DIP2A: variants seen among roughly 807,000 people sequenced by gnomAD.
The protein encoded by DIP2A is DIP2 acetate--CoA ligase A.
DIP2A carries 85 observed loss-of-function variants against 177.4 expected under a neutral mutation model. The observed-to-expected ratio is 0.48, with a 90% CI of 0.40 to 0.57. DIP2A has a LOEUF of 0.57. Among genes scored for constraint, DIP2A ranks in the 20% least tolerant of loss-of-function variants. The pLI, the probability that DIP2A is intolerant of heterozygous loss-of-function variation, is 0.00. For synonymous variants in DIP2A, 886 were observed against 881.8 expected, an observed-to-expected ratio of 1.00 and a Z score of -0.08; for missense variants, 1,791 against 2,100.2, an observed-to-expected ratio of 0.85 and a Z score of 2.88.
Position 46,528,527 on chromosome 21 carries a change from C to CTTTTTTTTTTTT in DIP2A, c.1103-535_1103-524dup, listed in dbSNP as rs1162872343. ...ACCAAATACTGACTTTTTCTGCTTG[C>CTTTTTTTTTTTT]TTTTTTTTTTTTTTTTTTTTTTTTT... On this transcript the variant is annotated intron_variant, in intron 8 of 37. Transcript: ENST00000417564. Among the ~76,000 whole-genome samples the CTTTTTTTTTTTT allele has an allele frequency of 2.4e-4, 7 of 29,408 alleles. 3 individuals are homozygous for CTTTTTTTTTTTT. Among genetic ancestry groups the CTTTTTTTTTTTT allele is most frequent in the African/African-American group, 7.8e-4 (5 of 6,446 alleles). The allele number at this position is 29,408 out of a possible 152,430, so 19.3% of individuals were successfully genotyped here.
chr21:46,472,518 C>T (rs148788383), intron 1 of DIP2A, among the ~76,000 whole-genome samples: 3 of 152,260 alleles, frequency 2.0e-5, no homozygotes, highest in African/African-American at 4.8e-5. Flanking sequence ...ATCAGCACTG[C>T]GCAAGCTGGG....
chr21:46,479,389 T>A (rs1338151582), intron 1 of DIP2A, among the ~76,000 whole-genome samples: 2 of 152,228 alleles, frequency 1.3e-5, no homozygotes, highest in African/African-American at 2.4e-5. Flanking sequence ...AATGAACATA[T>A]TTTTCATATT....
At chr21:46,580,921 T>G in the DIP2A span, among the ~76,000 whole-genome samples, 22 of 152,212 alleles carry the variant, frequency 1.4e-4, no homozygotes, top group Non-Finnish European at 2.9e-5. Flanking sequence ...ATTATGTGTC[T>G]TGGGGCTGAT....
intron 22 of DIP2A, chr21:46,550,115 C>T: frequency 8.6e-7 from 1 of 1,161,320 alleles, no homozygotes; most frequent in Non-Finnish European, 1.2e-6. Context: ...TATCCATCAC[C>T]TCAATATTTA....
rs2060460168 is a variant in DIP2A, at chr21:46,556,135, G to A, written c.3498+44G>A. 6.5e-7 allele frequency: 1 copy of A among 1,547,076 alleles called. No homozygotes were observed. Among genetic ancestry groups the A allele is most frequent in the African/African-American group, 1.4e-5 (1 of 73,504 alleles). On this transcript the variant is annotated intron_variant, in intron 29 of 37. Coordinates refer to ENST00000417564, the MANE Select transcript of DIP2A (RefSeq NM_015151.4). The surrounding 1 kb of genome is among the most constrained non-coding windows in gnomAD (Gnocchi z 4.5). ...TGTTTGCTTCAGCCCCTAGAAATCA[G>A]GAGGAGTGGACAGAAAGGATGTCAG...
chr21:46,532,311 C>A, intron 10 of DIP2A, 74 bp downstream of exon 10: 1 of 1,247,910 alleles, frequency 8.0e-7, no homozygotes, highest in East Asian at 2.5e-5. Flanking sequence ...ACTTCCTTTT[C>A]ACTCATGTGG....
At chr21:46,506,787 TTTTC>T (rs2058032756) in intron 6 of DIP2A, among the ~76,000 whole-genome samples, 1 of 145,256 alleles carries the variant, frequency 6.9e-6, no homozygotes, top group African/African-American at 2.5e-5. Context: ...CTTTTCTTTC[TTTTC>T]TTTCTTTCTT....
intron 33 of DIP2A, chr21:46,561,018 G>A (rs2148907203): frequency 2.0e-6 from 2 of 985,428 alleles, no homozygotes; most frequent in South Asian, 9.4e-5. Flanking sequence ...TCCCAGGGGA[G>A]CTCAGTGTCT....
downstream of DIP2A, among the ~76,000 whole-genome samples, chr21:46,571,320 G>C (rs1387311236): frequency 6.6e-6 from 1 of 152,182 alleles, no homozygotes; most frequent in Non-Finnish European, 1.5e-5. Flanking sequence ...GTGCCAAAAA[G>C]GTTGGGGACT....
At chr21:46,541,137 A>G (rs751595313) in intron 17 of DIP2A, among the ~76,000 whole-genome samples, 1 of 152,166 alleles carries the variant, frequency 6.6e-6, no homozygotes, top group Admixed American at 6.5e-5. Flanking sequence ...GTTTTGCACA[A>G]CTGTGTAATT....
intron 28 of DIP2A, chr21:46,555,653 C>T: frequency 3.0e-6 from 1 of 338,974 alleles, no homozygotes; most frequent in South Asian, 2.6e-5. Context: ...CTGGGCTTTG[C>T]CATAGGCTCT....
intron 1 of DIP2A, among the ~76,000 whole-genome samples, chr21:46,484,541 A>C (rs1002870698): frequency 6.6e-6 from 1 of 152,212 alleles, no homozygotes; most frequent in Non-Finnish European, 1.5e-5. Context: ...AGCAGCATGC[A>C]TGTGAGATCT....
In DIP2A at chr21:46,490,609, C is replaced by A; in HGVS notation, c.173C>A (p.Pro58Gln). Residue 58 changes from proline to glutamine, a missense_variant, in exon 3 of 38, where the codon CCA becomes CAA. Pro to Gln is a moderately conservative substitution (Grantham distance 76). Coordinates refer to ENST00000417564, the MANE Select transcript of DIP2A (RefSeq NM_015151.4). Reference protein sequence around the residue: ...RYIPLIQGIDPSLQAENRIPG... With the variant: ...RYIPLIQGIDQSLQAENRIPG... Reference sequence around the variant, plus strand: ...TAAAATTGTGTTTCAGGAATAGACCCATCTCTGCAAGCAGAGAATAGAATT... The same window carrying A: ...TAAAATTGTGTTTCAGGAATAGACCAATCTCTGCAAGCAGAGAATAGAATT... The A allele has an allele frequency of 6.4e-7, 1 of 1,566,390 alleles. No individual in the cohort carries two copies. Among genetic ancestry groups the A allele is most frequent in the East Asian group, 2.4e-5 (1 of 42,168 alleles).
chr21:46,538,465 G>T lies in DIP2A; in HGVS notation c.1802-18G>T, dbSNP rs1281318165. 6.5e-7 allele frequency: 1 copy of T among 1,541,326 alleles called. No homozygotes were observed. Among genetic ancestry groups the T allele is most frequent in the East Asian group, 2.4e-5 (1 of 40,884 alleles). ...GTCCTTGTGACGCAGGGATGTCTGT[G>T]CCATCCTCTCTCTGCAGCTCGGGCC... On this transcript the variant is annotated intron_variant, in intron 15 of 37. Coordinates refer to ENST00000417564, the MANE Select transcript of DIP2A (RefSeq NM_015151.4).
At chr21:46,472,053 A>G (rs1432151140) in intron 1 of DIP2A, among the ~76,000 whole-genome samples, 1 of 152,226 alleles carries the variant, frequency 6.6e-6, no homozygotes, top group Non-Finnish European at 1.5e-5. Context: ...CCCTAACCCC[A>G]ATGGATTATA....
Position 46,557,376 on chromosome 21 carries a change from G to C in DIP2A, c.3630-209G>C, listed in dbSNP as rs1258475558. On this transcript the variant is annotated intron_variant, in intron 30 of 37. Coordinates refer to ENST00000417564, the MANE Select transcript of DIP2A (RefSeq NM_015151.4). This position sits in a 1 kb window ranked among gnomAD's most constrained non-coding sequence, Gnocchi z 6.0. ...AGTGGTGTCCCCGGATCCTCTCCAA[G>C]TGTTCGGAGCAGAGCTCAGAACCCC... 1.5e-6 allele frequency: 1 copy of C among 673,652 alleles called. No individual in the cohort carries two copies. The highest frequency in any genetic ancestry group is 2.4e-6 in the Non-Finnish European group (1 of 408,416). The allele number at this position is 673,652 out of a possible 1,614,324, so 41.7% of individuals were successfully genotyped here.
At chr21:46,550,769 G>A (rs1295630669) in intron 23 of DIP2A, 25 bp downstream of exon 23, 7 of 1,611,104 alleles carry the variant, frequency 4.3e-6, no homozygotes, top group African/African-American at 1.3e-5. Context: ...ACAACAGGAT[G>A]CTCTCTAGTC....
At chr21:46,548,200 G>GTGTGTGTGTT (rs1183005301) in intron 21 of DIP2A, among the ~76,000 whole-genome samples, 1 of 152,074 alleles carries the variant, frequency 6.6e-6, no homozygotes, top group Non-Finnish European at 1.5e-5. Flanking sequence ...GTGTGTGTGT[G>GTGTGTGTGTT]TGTGTGTGTT....
chr21:46,495,975 G>A (rs1166171588), intron 3 of DIP2A, among the ~76,000 whole-genome samples: 1 of 152,022 alleles, frequency 6.6e-6, no homozygotes, highest in Non-Finnish European at 1.5e-5. Context: ...GGGAGGCTGA[G>A]GCAGGAGAAT....
Sources: allele counts gnomAD v4.1 joint callset (sites outside exome capture counted in the v4.1 genomes callset), GRCh38; gene constraint gnomAD v4.1.1; non-coding constraint Gnocchi (gnomAD v3.1); transcripts MANE v1.5; gene names NCBI Gene and HGNC (gene_info 2026-07-23, HGNC 2026-07-21).